SLIT3: variants seen among roughly 807,000 people sequenced by gnomAD.
SLIT3 encodes the protein slit homolog 3 protein.
In SLIT3, 68 loss-of-function variants were observed where a neutral mutation model predicts 184.0. The observed-to-expected ratio is 0.37, with a 90% CI of 0.30 to 0.45. SLIT3 has a LOEUF of 0.45. Ranked by LOEUF, SLIT3 falls within the 20% of genes least tolerant of loss-of-function variation. The pLI is 1.00. For missense variants in SLIT3, 1,707 were observed against 2,026.0 expected (o/e 0.84, Z 3.02); for synonymous variants, 831 against 828.6 (o/e 1.00, Z -0.05).
chr5:168,964,738 A>C (rs1314976917), intron 4 of SLIT3, among the ~76,000 whole-genome samples: 1 of 152,234 alleles, frequency 6.6e-6, no homozygotes, highest in Non-Finnish European at 1.5e-5. Context: ...AGCATCAAAG[A>C]AATTGCAGTC....
chr5:169,008,452 G>T (rs1294533730), intron 4 of SLIT3, among the ~76,000 whole-genome samples: 1 of 152,158 alleles, frequency 6.6e-6, no homozygotes, highest in Non-Finnish European at 1.5e-5. Flanking sequence ...GCTAGAGCTG[G>T]CATCAGGAAG....
intron 4 of SLIT3, among the ~76,000 whole-genome samples, chr5:169,076,963 C>CAT (rs1490351418): frequency 6.6e-6 from 1 of 151,996 alleles, no homozygotes; most frequent in Non-Finnish European, 1.5e-5. Flanking sequence ...CACACACACA[C>CAT]ATACACACAC....
At chr5:169,088,605 A>T (rs1759417178) in intron 4 of SLIT3, among the ~76,000 whole-genome samples, 1 of 152,000 alleles carries the variant, frequency 6.6e-6, no homozygotes, top group Non-Finnish European at 1.5e-5. Flanking sequence ...ATTACACCAA[A>T]ACCATGAGCT....
chr5:168,816,343 C>T (rs1158509337), intron 8 of SLIT3, among the ~76,000 whole-genome samples: 3 of 152,164 alleles, frequency 2.0e-5, no homozygotes, highest in African/African-American at 2.4e-5. Context: ...CCCGCCACCA[C>T]GTCCAGCTAA....
At chr5:169,118,891 A>AT (rs796717197) in intron 4 of SLIT3, among the ~76,000 whole-genome samples, 63 of 150,382 alleles carry the variant, frequency 4.2e-4, no homozygotes, top group Admixed American at 8.0e-4. Context: ...ATAATTTTTA[A>AT]TTTTTTTTTT....
chr5:168,973,053 G>A (rs553945926), intron 4 of SLIT3, among the ~76,000 whole-genome samples: 19 of 152,196 alleles, frequency 1.2e-4, no homozygotes, highest in African/African-American at 4.6e-4. Flanking sequence ...TCCAACTTCA[G>A]TATGTTAAGC....
chr5:168,777,240 T>C (rs1238389971), intron 12 of SLIT3, among the ~76,000 whole-genome samples: 1 of 152,198 alleles, frequency 6.6e-6, no homozygotes, highest in African/African-American at 2.4e-5. Context: ...ATATGCTCTC[T>C]ATTTGCCACA....
At chr5:169,128,204 T>C (rs1761152343) in intron 4 of SLIT3, among the ~76,000 whole-genome samples, 1 of 149,506 alleles carries the variant, frequency 6.7e-6, no homozygotes, top group African/African-American at 2.4e-5. Flanking sequence ...TCAATAATTT[T>C]CTTTGGGACA....
At position 168,762,590 on chromosome 5, in the gene SLIT3, T is replaced by G; in HGVS notation, c.1559A>C (p.Asn520Thr). ...GCTTGGGATGCGGACCAGCTTCTGGTTGGAGCAGTCCACAATCGTGCCCTC... is the reference window on the plus strand; with the variant it reads ...GCTTGGGATGCGGACCAGCTTCTGGGTGGAGCAGTCCACAATCGTGCCCTC... Reference protein sequence around the residue: ...RCEGTIVDCSNQKLVRIPSHL... With the variant: ...RCEGTIVDCSTQKLVRIPSHL... Residue 520 changes from asparagine (N) to threonine (T), a missense_variant, in exon 15 of 36, where the codon AAC becomes ACC. This residue lies in a region of SLIT3 where 1,307 missense variants were observed against 1,511.6 expected (regional missense o/e 0.86). Transcript: ENST00000519560. The G allele has an allele frequency of 1.9e-6, 3 of 1,613,968 alleles. No homozygotes were observed. Among genetic ancestry groups the G allele is most frequent in the Non-Finnish European group, 2.5e-6 (3 of 1,179,992 alleles).
chr5:169,226,701 A>G (rs1764822789), intron 3 of SLIT3, among the ~76,000 whole-genome samples: 1 of 152,138 alleles, frequency 6.6e-6, no homozygotes, highest in Non-Finnish European at 1.5e-5. Flanking sequence ...TAAGGCCAGA[A>G]TCAAAACCCC....
rs758767814 is a variant in SLIT3 at position 168,722,309 on chromosome 5, C to T, written c.2430G>A (p.Arg810=). 2 of 1,614,010 alleles carry T rather than the reference C, an allele frequency of 1.2e-6. No homozygotes were observed. The highest frequency in any genetic ancestry group is 2.7e-5 in the African/African-American group (2 of 74,928). The change falls in exon 23 of 36, where the codon CGG becomes CGA. Residue 810 remains arginine (R), a synonymous_variant. Transcript: ENST00000519560. The part of the protein sequence containing the change: ...HLSTLILSYN[R]LRCIPVHAFN... The stretch of plus-strand genomic sequence containing the variant: ...AGGCGTGGACGGGGATGCACCTCAG[C>T]CGGTTGTAGCTCAGGATCCTGTGGA...
chr5:169,114,563 A>G (rs1760577421), intron 4 of SLIT3, among the ~76,000 whole-genome samples: 1 of 152,262 alleles, frequency 6.6e-6, no homozygotes, highest in Non-Finnish European at 1.5e-5. Flanking sequence ...GAGTCCATGA[A>G]GCTGAGCAGT....
chr5:168,738,931 C>G, intron 20 of SLIT3, among the ~76,000 whole-genome samples: 1 of 104,548 alleles, frequency 9.6e-6, no homozygotes, highest in East Asian at 3.0e-4. Flanking sequence ...GAGCAAGACT[C>G]CATCTCAAAA....
chr5:169,105,046 G>A (rs1267835207), intron 4 of SLIT3, among the ~76,000 whole-genome samples: 1 of 152,172 alleles, frequency 6.6e-6, no homozygotes, highest in African/African-American at 2.4e-5. Flanking sequence ...GGGAAGAATG[G>A]GTTTTTAATA....
chr5:168,869,542 C>T (rs529378111), intron 5 of SLIT3, among the ~76,000 whole-genome samples: 4 of 152,336 alleles, frequency 2.6e-5, no homozygotes, highest in East Asian at 1.9e-4. Flanking sequence ...TTCCTTGACA[C>T]AGCCTCTGTT....
At chr5:168,944,000 C>T (rs1170884517) in intron 4 of SLIT3, among the ~76,000 whole-genome samples, 2 of 152,232 alleles carry the variant, frequency 1.3e-5, no homozygotes, top group Non-Finnish European at 2.9e-5. Context: ...TTTACCCCCA[C>T]AGTCCTTGGT....
At chr5:168,942,768 G>T (rs1168829525) in intron 4 of SLIT3, among the ~76,000 whole-genome samples, 54 of 129,748 alleles carry the variant, frequency 4.2e-4, no homozygotes, top group Admixed American at 7.2e-4. Flanking sequence ...TGGAGTTTGT[G>T]GGGGGTGACC....
intron 14 of SLIT3, chr5:168,768,342 C>CTT (rs1755419034): frequency 2.2e-6 from 1 of 461,858 alleles, no homozygotes; most frequent in African/African-American, 2.0e-5. Context: ...GAGCAGGCCC[C>CTT]CACTGAGCGT....
chr5:168,685,490 G>A (rs1014532960), intron 31 of SLIT3, among the ~76,000 whole-genome samples, 197 bp downstream of exon 31: 1 of 152,246 alleles, frequency 6.6e-6, no homozygotes, highest in African/African-American at 2.4e-5. Flanking sequence ...TGGAAGTGGG[G>A]GCTGCAGTTT....
Sources: gnomAD v4.1 joint callset for allele counts (sites outside exome capture counted in the v4.1 genomes callset) on GRCh38, gnomAD v4.1.1 for gene constraint, gnomAD v4.1.1 regional missense constraint, MANE v1.5 for transcripts, NCBI Gene and HGNC (gene_info 2026-07-23, HGNC 2026-07-21) for gene names.